The following PDE4B variants were observed in gnomAD, a reference collection of about 807,000 sequenced individuals.
PDE4B encodes the protein 3',5'-cyclic-AMP phosphodiesterase 4B.
In PDE4B, 20 loss-of-function variants were observed where a neutral mutation model predicts 82.2. That is an observed-to-expected ratio of 0.24 (90% confidence interval 0.17 to 0.35). The LOEUF is 0.35. Among genes scored for constraint, PDE4B ranks in the 10% least tolerant of loss-of-function variants. The probability of loss-of-function intolerance (pLI) is 1.00; values close to 1 mark genes in which losing one functional copy is unlikely to be tolerated. For synonymous variants in PDE4B, 320 were observed against 318.9 expected, an observed-to-expected ratio of 1.00 and a Z score of -0.04; for missense variants, 655 against 907.2, an observed-to-expected ratio of 0.72 and a Z score of 3.57.
chr1:65,873,872 T>C (rs1646604301), intron 1 of PDE4B, among the ~76,000 whole-genome samples: 1 of 152,188 alleles, frequency 6.6e-6, no homozygotes, highest in African/African-American at 2.4e-5. Flanking sequence ...AAGATTTTTT[T>C]CGGCTTAGGA....
At chr1:66,141,790 A>G (rs1021036575) in intron 3 of PDE4B, among the ~76,000 whole-genome samples, 3 of 152,168 alleles carry the variant, frequency 2.0e-5, no homozygotes, top group African/African-American at 7.2e-5. Flanking sequence ...CAGGTCGGTC[A>G]TTCTTCAAAC....
intron 3 of PDE4B, among the ~76,000 whole-genome samples, chr1:66,035,615 A>G (rs1226490250): frequency 1.3e-5 from 2 of 152,172 alleles, no homozygotes; most frequent in Admixed American, 6.5e-5. Flanking sequence ...TTCACTTAAC[A>G]TAATGTCCTC....
chr1:66,220,217 A>T (rs545999385), intron 3 of PDE4B, among the ~76,000 whole-genome samples: 1 of 152,306 alleles, frequency 6.6e-6, no homozygotes, highest in South Asian at 2.1e-4. Flanking sequence ...AGAAGAGAGG[A>T]GTAGCTGATA....
chr1:66,288,811 A>C (rs948039295), intron 7 of PDE4B, among the ~76,000 whole-genome samples: 1 of 152,166 alleles, frequency 6.6e-6, no homozygotes, highest in African/African-American at 2.4e-5. Context: ...GCTGGAGGAA[A>C]GAAGGATCAG....
In PDE4B at chr1:66,363,519, C is replaced by G. The variant is rs758115745; in HGVS notation, c.1232C>G (p.Ala411Gly). ...GTGGCATATCACAACAGCCTGCACG[C>G]TGCTGATGTAGCCCAGTCGACCCAT... ...SDVAYHNSLH[A>G]ADVAQSTHVL... Residue 411 changes from alanine to glycine, a missense_variant, in exon 12 of 17, where the codon GCT becomes GGT. Physicochemically the swap from Ala to Gly is moderately conservative, Grantham distance 60. Transcript: ENST00000341517. The G allele has an allele frequency of 1.9e-6, 3 of 1,613,750 alleles. No individual in the cohort carries two copies. Among genetic ancestry groups the G allele is most frequent in the Non-Finnish European group, 2.5e-6 (3 of 1,179,784 alleles).
intron 3 of PDE4B, among the ~76,000 whole-genome samples, chr1:66,092,684 T>C (rs1480871252): frequency 2.0e-5 from 3 of 151,682 alleles, no homozygotes; most frequent in African/African-American, 7.3e-5. Flanking sequence ...GATCTGGGGG[T>C]AGAGTGTCCA....
At chr1:66,028,368 T>C (rs1296001687) in intron 3 of PDE4B, among the ~76,000 whole-genome samples, 1 of 152,082 alleles carries the variant, frequency 6.6e-6, no homozygotes, top group African/African-American at 2.4e-5. Flanking sequence ...CTGGGCCTAG[T>C]CCACAAAACC....
chr1:65,793,755 A>G (rs924905994), intron 1 of PDE4B, among the ~76,000 whole-genome samples: 14 of 152,338 alleles, frequency 9.2e-5, no homozygotes, highest in African/African-American at 3.1e-4. Context: ...AGGCTCTGCC[A>G]GGAACTTTTG....
intron 3 of PDE4B, among the ~76,000 whole-genome samples, chr1:65,968,350 G>A (rs147181104): frequency 6.6e-6 from 1 of 152,222 alleles, no homozygotes; most frequent in Non-Finnish European, 1.5e-5. Flanking sequence ...GTATTCCACA[G>A]ATGCTTATTG....
At chr1:65,894,515 A>G (rs905613997) in intron 1 of PDE4B, among the ~76,000 whole-genome samples, 1 of 152,196 alleles carries the variant, frequency 6.6e-6, no homozygotes, top group Non-Finnish European at 1.5e-5. Context: ...TATAAAATTA[A>G]TAAATTGGAA....
chr1:66,301,114 C>T (rs879386289), intron 7 of PDE4B, among the ~76,000 whole-genome samples: 1 of 152,052 alleles, frequency 6.6e-6, no homozygotes, highest in African/African-American at 2.4e-5. Context: ...ATGAAAGGCC[C>T]ATAGTACAGC....
chr1:65,901,959 TG>T (rs1646976402), intron 1 of PDE4B, among the ~76,000 whole-genome samples: 1 of 152,152 alleles, frequency 6.6e-6, no homozygotes, highest in Non-Finnish European at 1.5e-5. Context: ...TTGCTTCTGC[TG>T]CATCCCAGAG....
chr1:66,082,352 T>C (rs1332211462), intron 3 of PDE4B, among the ~76,000 whole-genome samples: 1 of 152,146 alleles, frequency 6.6e-6, no homozygotes, highest in Non-Finnish European at 1.5e-5. Context: ...GTGGAATCGA[T>C]ATGAAGATTA....
upstream of PDE4B, chr1:65,792,727 C>T (rs1388959178): frequency 6.6e-6 from 1 of 151,914 alleles, no homozygotes; most frequent in Non-Finnish European, 1.5e-5. Context: ...AGGTGGTGGC[C>T]TCAGCAGTTA....
intron 1 of PDE4B, among the ~76,000 whole-genome samples, chr1:65,907,523 C>T (rs4592240): frequency 0.16 from 24,643 of 152,044 alleles, 2,307 homozygotes; most frequent in Middle Eastern, 0.3. Flanking sequence ...AGTTCAGGCT[C>T]TGCTTTATCC....
At chr1:66,274,482 C>A (rs1557672882) in intron 7 of PDE4B, among the ~76,000 whole-genome samples, 1 of 151,986 alleles carries the variant, frequency 6.6e-6, no homozygotes, top group Non-Finnish European at 1.5e-5. Context: ...TGAAAATGGG[C>A]ATTTTAATAT....
At chr1:66,264,970 G>A (rs1309488677) in intron 6 of PDE4B, among the ~76,000 whole-genome samples, 1 of 152,222 alleles carries the variant, frequency 6.6e-6, no homozygotes, top group African/African-American at 2.4e-5. Context: ...TGAGTCGGCT[G>A]CGTATCCATG....
intron 1 of PDE4B, among the ~76,000 whole-genome samples, chr1:65,802,948 T>A (rs927747383): frequency 2.1e-4 from 32 of 152,168 alleles, no homozygotes; most frequent in African/African-American, 7.7e-4. Flanking sequence ...TGTACTATTA[T>A]GTATTATTTA....
chr1:66,254,024 A>C (rs1300416856), intron 4 of PDE4B, among the ~76,000 whole-genome samples: 2 of 152,232 alleles, frequency 1.3e-5, no homozygotes, highest in East Asian at 3.8e-4. Context: ...TCAACAGTAC[A>C]TCAGCTCAAG....
Sources: gnomAD v4.1 joint callset for allele counts (sites outside exome capture counted in the v4.1 genomes callset) on GRCh38, gnomAD v4.1.1 for gene constraint, MANE v1.5 for transcripts, NCBI Gene and HGNC (gene_info 2026-07-23, HGNC 2026-07-21) for gene names.